Variants in ZNF226 observed in about 807,000 individuals in gnomAD.
ZNF226 encodes zinc finger protein 226, also known as Kruppel-associated box protein.
ZNF226 carries 6 observed loss-of-function variants against 11.4 expected under a neutral mutation model. The ratio of observed to expected loss-of-function variants is 0.53; its 90% CI spans 0.29 to 1.04. ZNF226 has a LOEUF of 1.04. ZNF226 is among the 50% of genes least tolerant of loss of function. The pLI is 0.08. For synonymous variants in ZNF226, 350 were observed against 322.8 expected, an observed-to-expected ratio of 1.08 and a Z score of -0.90; for missense variants, 1,058 against 956.5, an observed-to-expected ratio of 1.11 and a Z score of -1.40.
chr19:44,170,051 T>C lies in ZNF226; in HGVS notation c.-30T>C, dbSNP rs147226522. 1.8e-4 allele frequency: 289 copies of C among 1,607,154 alleles called. 1 individual carries two copies. In the African/African-American group the frequency reaches 2.8e-3, roughly 15 times the overall value. The stretch of plus-strand genomic sequence containing the variant: ...CTTTCCTAGTTCAGCTTCTTAGGAC[T>C]CTGCACTTCCCCAGAAGGAAGAATT... On this transcript the variant is annotated 5_prime_UTR_variant, in exon 3 of 6. Transcript: ENST00000337433.
chr19:44,194,066 G>A, the ZNF226 span, among the ~76,000 whole-genome samples: 7 of 152,214 alleles, frequency 4.6e-5, no homozygotes, highest in East Asian at 7.7e-4. Flanking sequence ...TTTTATACTT[G>A]GCAGATGGCC....
Position 44,176,527 on chromosome 19 carries a change from A to C in ZNF226, c.1265A>C (p.Glu422Ala), listed in dbSNP as rs1181435586. 2 of 1,614,206 alleles carry C rather than the reference A, an allele frequency of 1.2e-6. No homozygotes were observed. The highest frequency in any genetic ancestry group is 3.3e-5 in the Admixed American group (2 of 60,026). The change falls in exon 6 of 6, where the codon GAG becomes GCG. Residue 422 changes from glutamate to alanine, a missense_variant. Transcript: ENST00000337433. Reference sequence around the variant, plus strand: ...ACAGGAGAGAAACCATACAAATGTGAGGAGTGTGGTAAGGGCTTCATTTGT... The same window carrying C: ...ACAGGAGAGAAACCATACAAATGTGCGGAGTGTGGTAAGGGCTTCATTTGT... ...VHTGEKPYKC[E>A]ECGKGFICSS...
chr19:44,178,162 C>T (rs7249992), downstream of ZNF226: 21,512 of 155,520 alleles, frequency 0.14, 3,837 homozygotes, highest in African/African-American at 0.41. Flanking sequence ...TACTGAACTC[C>T]CCAATGTTAA....
intron 5 of ZNF226, chr19:44,173,869 T>C (rs1046791206): frequency 1.3e-5 from 2 of 152,364 alleles, no homozygotes; most frequent in Middle Eastern, 3.4e-3. Context: ...TCACCTCATA[T>C]ATGTTTTTGT....
chr19:44,196,414 A>G, the ZNF226 span, among the ~76,000 whole-genome samples: 2 of 152,182 alleles, frequency 1.3e-5, no homozygotes, highest in Non-Finnish European at 2.9e-5. Context: ...CAATCTGGCT[A>G]CAACCACATT....
At chr19:44,180,719 G>C (rs911686930), downstream of ZNF226, among the ~76,000 whole-genome samples, 4 of 152,144 alleles carry the variant, frequency 2.6e-5, no homozygotes, top group Non-Finnish European at 4.4e-5. Context: ...TGTGCTTTCT[G>C]GCCCTTTACA....
chr19:44,182,811 G>T (rs1348134247), downstream of ZNF226, among the ~76,000 whole-genome samples: 2 of 152,176 alleles, frequency 1.3e-5, no homozygotes, highest in African/African-American at 4.8e-5. Flanking sequence ...AAGTCAAAGG[G>T]ATTATCAGAG....
At chr19:44,174,140 TGTG>T (rs919173254) in intron 5 of ZNF226, 2 of 46,832 alleles carry the variant, frequency 4.3e-5, no homozygotes, top group Non-Finnish European at 1.4e-4. Flanking sequence ...AATTTCTCTT[TGTG>T]TGTGTGTGTG....
the ZNF226 span, among the ~76,000 whole-genome samples, chr19:44,196,348 T>A: frequency 6.6e-6 from 1 of 152,174 alleles, no homozygotes; most frequent in Non-Finnish European, 1.5e-5. Context: ...AGTGTAGTCA[T>A]GGTGGAAGAA....
rs771124673 is a variant in ZNF226 at position 44,177,219 on chromosome 19, G to A, written c.1957G>A (p.Gly653Ser). 2.0e-5 allele frequency: 33 copies of A among 1,612,470 alleles called. No homozygotes were observed. In the Middle Eastern group the frequency reaches 6.6e-4, roughly 32 times the overall value. The part of the protein sequence containing the change: ...FKCEECGKSF[G>S]RSAHLQAHQK... Reference sequence around the variant, plus strand: ...ATGTGAAGAATGTGGGAAGAGTTTCGGTCGGAGTGCACATCTTCAAGCCCA... The same window carrying A: ...ATGTGAAGAATGTGGGAAGAGTTTCAGTCGGAGTGCACATCTTCAAGCCCA... The change falls in exon 6 of 6, where the codon GGT becomes AGT. Residue 653 changes from glycine (G) to serine (S), a missense_variant. Coordinates refer to ENST00000337433, the MANE Select transcript of ZNF226 (RefSeq NM_001032373.2).
intron 4 of ZNF226, 70 bp downstream of exon 4, chr19:44,172,284 G>A: frequency 3.9e-6 from 6 of 1,537,462 alleles, no homozygotes; most frequent in Non-Finnish European, 1.8e-6. Context: ...CCTTGAAATT[G>A]TTCCCTGAGT....
the ZNF226 span, among the ~76,000 whole-genome samples, chr19:44,184,090 G>A: frequency 6.6e-6 from 1 of 152,112 alleles, no homozygotes; most frequent in Admixed American, 6.5e-5. Context: ...GAGTAGTTAG[G>A]CCACAGAGAT....
At chr19:44,187,515 TCTAG>T in the ZNF226 span, among the ~76,000 whole-genome samples, 1 of 151,936 alleles carries the variant, frequency 6.6e-6, no homozygotes, top group Admixed American at 6.5e-5. The surrounding 1 kb of genome is among the most constrained non-coding windows in gnomAD (Gnocchi z 4.0). Flanking sequence ...TTTTTCTTAA[TCTAG>T]CTAAGAAATT....
At chr19:44,198,117 A>T in the ZNF226 span, among the ~76,000 whole-genome samples, 1 of 152,224 alleles carries the variant, frequency 6.6e-6, no homozygotes, top group African/African-American at 2.4e-5. Flanking sequence ...ATATCAAATG[A>T]CTAGATATAT....
chr19:44,176,672 T>C lies in ZNF226; in HGVS notation c.1410T>C (p.Thr470=), dbSNP rs752896775. ...TTCAGGCCCATCAGGGAGTTCACAC[T>C]GGAGAGAAGTCATACATATGTACTG... The part of the protein sequence containing the change: ...SSLQAHQGVH[T]GEKSYICTVC... The change falls in exon 6 of 6, where the codon ACT becomes ACC. Residue 470 remains threonine, a synonymous_variant. Transcript: ENST00000337433. The C allele has an allele frequency of 7.4e-6, 12 of 1,613,786 alleles. No homozygotes were observed. The African/African-American group carries it at 1.2e-4, about 16-fold the overall frequency.
chr19:44,175,328 A>G, intron 5 of ZNF226, 170 bp from the exon 6 acceptor site: 1 of 1,411,410 alleles, frequency 7.1e-7, no homozygotes, highest in Non-Finnish European at 9.2e-7. Context: ...TTGGTTTTGG[A>G]CCATCTCTTG....
chr19:44,177,877 T>G, downstream of ZNF226: 1 of 531,022 alleles, frequency 1.9e-6, no homozygotes, highest in East Asian at 3.4e-5. Context: ...GAAATTTTTC[T>G]CAGGCCTTTT....
chr19:44,175,642 A>G lies in ZNF226; in HGVS notation c.380A>G (p.Gln127Arg). Residue 127 changes from glutamine (Q) to arginine (R), a missense_variant, in exon 6 of 6, where the codon CAA becomes CGA. By Grantham distance (43) the Gln-to-Arg change is conservative. Coordinates refer to ENST00000337433, the MANE Select transcript of ZNF226 (RefSeq NM_001032373.2). ...SMINNSQCHK[Q>R]GDFPYQVGTE... ...ATCAATAATTCTCAGTGTCACAAACAAGGTGATTTCCCTTACCAGGTAGGG... is the reference window on the plus strand; with the variant it reads ...ATCAATAATTCTCAGTGTCACAAACGAGGTGATTTCCCTTACCAGGTAGGG... The G allele has an allele frequency of 6.2e-7, 1 of 1,613,940 alleles. No individual in the cohort carries two copies. The highest frequency in any genetic ancestry group is 1.3e-5 in the African/African-American group (1 of 75,052).
At position 44,169,117 on chromosome 19, in the gene ZNF226, T is replaced by C. The variant is rs188487157; in HGVS notation, c.-46-918T>C. On this transcript the variant is annotated intron_variant, in intron 2 of 5. Transcript: ENST00000337433. ...TCCGCCTCCTGGGTTCAAACAATTC[T>C]TGTGCCTCAGCTTCCCAAGTAGCTG... Among the ~76,000 whole-genome samples, 1,228 of 150,042 alleles carry C rather than the reference T, an allele frequency of 8.2e-3. 17 individuals are homozygous for C. Among genetic ancestry groups the C allele is most frequent in the South Asian group, 0.032 (149 of 4,716 alleles).
Sources: gnomAD v4.1 joint callset for allele counts (sites outside exome capture counted in the v4.1 genomes callset) on GRCh38, gnomAD v4.1.1 for gene constraint, Gnocchi (gnomAD v3.1) non-coding constraint, MANE v1.5 for transcripts, NCBI Gene and HGNC (gene_info 2026-07-23, HGNC 2026-07-21) for gene names.